Variants in DHCR24 observed in about 807,000 individuals in gnomAD.
The protein encoded by DHCR24 is 24-dehydrocholesterol reductase.
In DHCR24, 28 loss-of-function variants were observed where a neutral mutation model predicts 61.2. That is an observed-to-expected ratio of 0.46 (90% CI 0.34 to 0.63). DHCR24 has a LOEUF of 0.63. DHCR24 is among the 20% of genes least tolerant of loss of function. DHCR24 has a pLI of 0.01. For synonymous variants in DHCR24, 261 were observed against 275.9 expected (o/e 0.95, Z 0.54); for missense variants, 538 against 679.1 (o/e 0.79, Z 2.31).
At position 54,860,920 on chromosome 1, in the gene DHCR24, G is replaced by A. The variant is rs571434541; in HGVS notation, c.1020+4383C>T. ...GGAGAATGGCATGAACCCGGGAGGC[G>A]GCACTTGCAGTGAGCCGAGATCCAG... On this transcript the variant is annotated intron_variant, in intron 6 of 8. Coordinates refer to ENST00000371269, the MANE Select transcript of DHCR24 (RefSeq NM_014762.4). Among the ~76,000 whole-genome samples, 747 of 151,912 alleles carry A rather than the reference G, an allele frequency of 4.9e-3. 12 individuals carry two copies. The highest frequency in any genetic ancestry group is 0.017 in the African/African-American group (711 of 41,388).
Position 54,887,182 on chromosome 1 carries a change from G to T in DHCR24, c.-63C>A. The T allele has an allele frequency of 9.2e-6, 13 of 1,407,978 alleles. No homozygotes were observed. The highest frequency in any genetic ancestry group is 2.9e-5 in the African/African-American group (2 of 70,048). The allele number at this position is 1,407,978 out of a possible 1,614,324, so 87.2% of individuals were successfully genotyped here. ...CTCCTGTCACTGCCGCCAGCTCCGCGCCTGGCCCGCTCTGCGCCTGTAGCC... is the reference window on the plus strand; with the variant it reads ...CTCCTGTCACTGCCGCCAGCTCCGCTCCTGGCCCGCTCTGCGCCTGTAGCC... On this transcript the variant is annotated 5_prime_UTR_variant, in exon 1 of 9. Transcript: ENST00000371269.
chr1:54,864,664 TA>T (rs149084152), intron 6 of DHCR24, among the ~76,000 whole-genome samples: 11,566 of 152,210 alleles, frequency 0.076, 544 homozygotes, highest in Admixed American at 0.13. Context: ...GTCCATTTTA[TA>T]ATGTTTAATT....
At chr1:54,854,336 A>G in intron 6 of DHCR24, 102 bp from the exon 7 acceptor site, 2 of 1,000,640 alleles carry the variant, frequency 2.0e-6, no homozygotes, top group Non-Finnish European at 3.0e-6. Flanking sequence ...TGCTTGACAG[A>G]AGCACGCCTG....
intron 6 of DHCR24, among the ~76,000 whole-genome samples, chr1:54,862,144 T>C (rs1293273039): frequency 6.6e-6 from 1 of 152,082 alleles, no homozygotes; most frequent in Non-Finnish European, 1.5e-5. Context: ...ATTGTCATTT[T>C]CCCCTCCACT....
Position 54,876,222 on chromosome 1 carries a change from T to G in DHCR24, c.388-175A>C, listed in dbSNP as rs1346207189. 5.9e-5 allele frequency among the ~76,000 whole-genome samples: 9 copies of G among 152,336 alleles called. No homozygotes were observed. In the East Asian group the frequency reaches 1.2e-3, roughly 20 times the overall value. Reference sequence around the variant, plus strand: ...GCCTTTAATTACAGGGAATGTGATTTCTGGCTCTCGGTTAGCTAGTGTTCA... The same window carrying G: ...GCCTTTAATTACAGGGAATGTGATTGCTGGCTCTCGGTTAGCTAGTGTTCA... On this transcript the variant is annotated intron_variant, in intron 2 of 8. Coordinates refer to ENST00000371269, the MANE Select transcript of DHCR24 (RefSeq NM_014762.4).
chr1:54,881,538 G>T (rs1406978013), intron 2 of DHCR24, among the ~76,000 whole-genome samples: 1 of 152,192 alleles, frequency 6.6e-6, no homozygotes, highest in Non-Finnish European at 1.5e-5. Context: ...TACACTGTTG[G>T]TGGGAGTGTA....
intron 4 of DHCR24, among the ~76,000 whole-genome samples, chr1:54,873,370 A>G (rs550505265): frequency 6.6e-6 from 1 of 152,382 alleles, no homozygotes; most frequent in South Asian, 2.1e-4. Context: ...ATAATACTTG[A>G]TAATGATAAA....
In DHCR24 at chr1:54,861,373, G is replaced by C. The variant is rs918620441; in HGVS notation, c.1020+3930C>G. Among the ~76,000 whole-genome samples, 18 of 152,204 alleles carry C rather than the reference G, an allele frequency of 1.2e-4. No homozygotes were observed. In the East Asian group the frequency reaches 2.7e-3, roughly 23 times the overall value. Reference sequence around the variant, plus strand: ...GTTTGGCCTTTTAGGAAAGTTTGCTGACCCCTAGGCTCTGTCACCCTGCCC... The same window carrying C: ...GTTTGGCCTTTTAGGAAAGTTTGCTCACCCCTAGGCTCTGTCACCCTGCCC... On this transcript the variant is annotated intron_variant, in intron 6 of 8. Transcript: ENST00000371269.
chr1:54,886,793 C>A (rs979307281), intron 1 of DHCR24, 96 bp downstream of exon 1: 18 of 1,533,106 alleles, frequency 1.2e-5, no homozygotes, highest in South Asian at 6.0e-5. Flanking sequence ...GTCCTGGCCG[C>A]CCCCGCACCG....
intron 2 of DHCR24, among the ~76,000 whole-genome samples, chr1:54,879,720 T>C (rs1046213190): frequency 1.1e-4 from 17 of 152,120 alleles, no homozygotes; most frequent in African/African-American, 4.1e-4. Flanking sequence ...ATAAAATTGC[T>C]CAAAACTAGT....
chr1:54,853,350 C>A (rs1646888310), intron 8 of DHCR24, 84 bp downstream of exon 8: 1 of 1,560,884 alleles, frequency 6.4e-7, no homozygotes, highest in Non-Finnish European at 8.8e-7. Context: ...GCTCCTGGTT[C>A]TCCATAGAGC....
rs1452260949 is a variant in DHCR24 at position 54,853,528 on chromosome 1, T to C, written c.1303A>G (p.Ile435Val). Reference protein sequence around the residue: ...HPKGNEAELYIDIGAYGEPRV... With the variant: ...HPKGNEAELYVDIGAYGEPRV... Reference sequence around the variant, plus strand: ...GGCTCCCCATATGCTCCAATGTCGATGTAGAGCTCTGCCTCATTTCCTTTG... The same window carrying C: ...GGCTCCCCATATGCTCCAATGTCGACGTAGAGCTCTGCCTCATTTCCTTTG... The change falls in exon 8 of 9, where the codon ATC (isoleucine) becomes GTC (valine). Residue 435 changes from isoleucine to valine, a missense_variant. Coordinates refer to ENST00000371269, the MANE Select transcript of DHCR24 (RefSeq NM_014762.4). 7 of 1,614,046 alleles carry C rather than the reference T, an allele frequency of 4.3e-6. No homozygotes were observed. The highest frequency in any genetic ancestry group is 4.0e-5 in the African/African-American group (3 of 74,932).
At chr1:54,867,153 C>T (rs1646972152) in intron 5 of DHCR24, among the ~76,000 whole-genome samples, 1 of 152,196 alleles carries the variant, frequency 6.6e-6, no homozygotes, top group Admixed American at 6.5e-5. Context: ...AGCTCCAGTC[C>T]ACCCCAGCCC....
intron 5 of DHCR24, among the ~76,000 whole-genome samples, chr1:54,870,688 C>A (rs1646993774): frequency 6.6e-6 from 1 of 152,226 alleles, no homozygotes. Flanking sequence ...CGCTTTCAAT[C>A]TGCAGTTGGT....
chr1:54,875,355 C>T (rs1318640733), intron 3 of DHCR24, 144 bp from the exon 4 acceptor site: 6 of 753,356 alleles, frequency 8.0e-6, no homozygotes, highest in Non-Finnish European at 1.4e-5. Flanking sequence ...AGATTTCCCA[C>T]CTGTCAATCT....
chr1:54,865,725 G>A (rs551034152), intron 5 of DHCR24, among the ~76,000 whole-genome samples: 2 of 152,302 alleles, frequency 1.3e-5, no homozygotes, highest in East Asian at 1.9e-4. Context: ...GCCTAGCCTG[G>A]TGCAAGTGTT....
chr1:54,871,033 A>C (rs1264580251), intron 5 of DHCR24, among the ~76,000 whole-genome samples: 1 of 152,214 alleles, frequency 6.6e-6, no homozygotes, highest in Non-Finnish European at 1.5e-5. Context: ...GGTGTGAGCC[A>C]CTGTGCCCAG....
chr1:54,865,347 G>C lies in DHCR24; in HGVS notation c.976C>G (p.His326Asp). Residue 326 changes from histidine to aspartate, a missense_variant, in exon 6 of 9, where the codon CAC (histidine) becomes GAC (aspartate). Transcript: ENST00000371269. ...REGLEYIPLR[H>D]YYHRHTRSIF... ...CTGCGCGTGTGGCGGTGGTAGTAGT[G>C]TCTCAAGGGAATGTACTCCAGGCCC... 6.2e-7 allele frequency: 1 copy of C among 1,614,038 alleles called. No individual in the cohort carries two copies. Among genetic ancestry groups the C allele is most frequent in the Non-Finnish European group, 8.5e-7 (1 of 1,179,978 alleles).
At chr1:54,872,507 C>G (rs944039216) in intron 4 of DHCR24, among the ~76,000 whole-genome samples, 1 of 152,138 alleles carries the variant, frequency 6.6e-6, no homozygotes, top group African/African-American at 2.4e-5. Context: ...GGCAGGAGAG[C>G]TGGAGCAAGG....
Sources: gnomAD v4.1 joint callset for allele counts (sites outside exome capture counted in the v4.1 genomes callset) on GRCh38, gnomAD v4.1.1 for gene constraint, MANE v1.5 for transcripts, NCBI Gene and HGNC (gene_info 2026-07-23, HGNC 2026-07-21) for gene names.